Variants in CNTN5 observed in about 807,000 individuals in gnomAD.
CNTN5 encodes the protein contactin-5.
CNTN5 carries 77 observed loss-of-function variants against 129.1 expected under a neutral mutation model. The ratio of observed to expected loss-of-function variants is 0.60; its 90% CI spans 0.50 to 0.72. The LOEUF is 0.72. Ranked by LOEUF, CNTN5 falls within the 30% of genes least tolerant of loss-of-function variation. The pLI, the probability that CNTN5 is intolerant of heterozygous loss-of-function variation, is 0.00. For missense variants in CNTN5, 1,478 were observed against 1,328.8 expected, an observed-to-expected ratio of 1.11 and a Z score of -1.75; for synonymous variants, 509 against 465.6, an observed-to-expected ratio of 1.09 and a Z score of -1.20.
At chr11:99,908,874 T>G (rs1284897522) in intron 6 of CNTN5, among the ~76,000 whole-genome samples, 3 of 152,094 alleles carry the variant, frequency 2.0e-5, no homozygotes, top group Non-Finnish European at 4.4e-5. Context: ...CTTTGGTTTC[T>G]TTTTTATAAT....
At chr11:100,142,474 A>ATTT (rs1946727822) in intron 13 of CNTN5, among the ~76,000 whole-genome samples, 1 of 152,170 alleles carries the variant, frequency 6.6e-6, no homozygotes, top group Non-Finnish European at 1.5e-5. Flanking sequence ...AAAACCCAAA[A>ATTT]TTTTTGAGCT....
At chr11:100,041,313 T>C (rs1227452529) in intron 9 of CNTN5, among the ~76,000 whole-genome samples, 1 of 152,178 alleles carries the variant, frequency 6.6e-6, no homozygotes, top group Admixed American at 6.5e-5. Context: ...CCATACTTCC[T>C]CTAAATCATG....
At chr11:99,324,459 C>G (rs986808137) in intron 1 of CNTN5, among the ~76,000 whole-genome samples, 1 of 152,060 alleles carries the variant, frequency 6.6e-6, no homozygotes, top group African/African-American at 2.4e-5. Flanking sequence ...ATGGCAAGTT[C>G]ATGAAGATAG....
intron 21 of CNTN5, among the ~76,000 whole-genome samples, chr11:100,319,109 C>T (rs77726209): frequency 0.013 from 1,932 of 151,334 alleles, 20 homozygotes; most frequent in Non-Finnish European, 0.018. Flanking sequence ...CTTATTCTTA[C>T]CCCCAAAAAA....
intron 8 of CNTN5, among the ~76,000 whole-genome samples, chr11:99,991,391 C>T (rs1442990735): frequency 1.3e-5 from 2 of 152,030 alleles, no homozygotes; most frequent in East Asian, 1.9e-4. Context: ...GGCCTGAACC[C>T]GGGAGGCAGA....
intron 2 of CNTN5, among the ~76,000 whole-genome samples, chr11:99,526,959 C>G (rs1947510497): frequency 7.1e-6 from 1 of 141,704 alleles, no homozygotes; most frequent in South Asian, 2.3e-4. Flanking sequence ...ATTGAACAAA[C>G]AGGTTGTGCA....
intron 13 of CNTN5, among the ~76,000 whole-genome samples, chr11:100,132,375 A>G (rs1449703864): frequency 6.6e-6 from 1 of 152,146 alleles, no homozygotes; most frequent in African/African-American, 2.4e-5. Context: ...ACATACTAAA[A>G]GCACGACATA....
intron 2 of CNTN5, among the ~76,000 whole-genome samples, chr11:99,362,762 C>T (rs959597803): frequency 7.2e-5 from 11 of 151,762 alleles, no homozygotes; most frequent in Admixed American, 4.6e-4. Flanking sequence ...TTTTTCAAAA[C>T]CATTTATTGA....
rs148876155 is a variant in CNTN5, at chr11:99,694,221, A to T, written c.56-125323A>T. ...AGACTTAGAGTTCGTGCTATACTTC[A>T]GGGCTGTGCAAACTTCAGACAGTGA... On this transcript the variant is annotated intron_variant, in intron 3 of 24. Coordinates refer to ENST00000524871, the MANE Select transcript of CNTN5 (RefSeq NM_014361.4). 9.4e-3 allele frequency among the ~76,000 whole-genome samples: 1,437 copies of T among 152,236 alleles called. 15 individuals carry two copies. Among genetic ancestry groups the T allele is most frequent in the South Asian group, 0.029 (140 of 4,822 alleles).
At chr11:99,174,147 T>C (rs1013660681) in intron 1 of CNTN5, among the ~76,000 whole-genome samples, 3 of 152,026 alleles carry the variant, frequency 2.0e-5, no homozygotes, top group Non-Finnish European at 4.4e-5. Context: ...TGCAGGTGCC[T>C]GCCACCACGC....
chr11:99,152,436 C>G (rs1388052689), intron 1 of CNTN5, among the ~76,000 whole-genome samples: 4 of 152,096 alleles, frequency 2.6e-5, no homozygotes, highest in African/African-American at 9.7e-5. Flanking sequence ...TGATTTCAAG[C>G]CTGTTTTGTC....
chr11:99,512,753 G>A (rs1422485718), intron 2 of CNTN5, among the ~76,000 whole-genome samples: 1 of 152,050 alleles, frequency 6.6e-6, no homozygotes, highest in African/African-American at 2.4e-5. Context: ...CATATAAGAG[G>A]GTGAACATAA....
chr11:99,748,568 G>A (rs1944133396), intron 3 of CNTN5, among the ~76,000 whole-genome samples: 1 of 152,092 alleles, frequency 6.6e-6, no homozygotes, highest in South Asian at 2.1e-4. Context: ...AGAGTCCAAA[G>A]GCCTGAGAAC....
At position 99,290,616 on chromosome 11, in the gene CNTN5, T is replaced by C. The variant is rs113885005; in HGVS notation, c.-209-34730T>C. On this transcript the variant is annotated intron_variant, in intron 1 of 24. Coordinates refer to ENST00000524871, the MANE Select transcript of CNTN5 (RefSeq NM_014361.4). ...GTAGGGAAGAAGTGCATTACTTTTC[T>C]AGCAACTGGCAATTTATTTTATGTA... Among the ~76,000 whole-genome samples, 11 of 152,018 alleles carry C rather than the reference T, an allele frequency of 7.2e-5. 1 individual carries two copies. The highest frequency in any genetic ancestry group is 2.2e-4 in the African/African-American group (9 of 41,562).
chr11:99,102,053 T>C (rs1004405964), intron 1 of CNTN5, among the ~76,000 whole-genome samples: 4 of 152,184 alleles, frequency 2.6e-5, no homozygotes, highest in African/African-American at 9.7e-5. Context: ...TTTGTGTGCC[T>C]ACAGTCTCAA....
At chr11:99,672,493 T>G (rs566550853) in intron 3 of CNTN5, among the ~76,000 whole-genome samples, 1 of 151,938 alleles carries the variant, frequency 6.6e-6, no homozygotes, top group East Asian at 1.9e-4. Flanking sequence ...CAAGGCTTAC[T>G]TCTCTGATAT....
At position 99,413,855 on chromosome 11, in the gene CNTN5, A is replaced by G. The variant is rs1591645498; in HGVS notation, c.-71+88371A>G. On this transcript the variant is annotated intron_variant, in intron 2 of 24. Transcript: ENST00000524871. Reference sequence around the variant, plus strand: ...AGTGAAAAAAATCCTTTTATTTATAATCTCAACTATTCTGCCAAAACCAGT... The same window carrying G: ...AGTGAAAAAAATCCTTTTATTTATAGTCTCAACTATTCTGCCAAAACCAGT... Among the ~76,000 whole-genome samples, 4 of 152,292 alleles carry G rather than the reference A, an allele frequency of 2.6e-5. No homozygotes were observed. The South Asian group carries it at 8.3e-4, about 32-fold the overall frequency.
At chr11:99,107,583 G>C (rs777080751) in intron 1 of CNTN5, among the ~76,000 whole-genome samples, 1 of 151,856 alleles carries the variant, frequency 6.6e-6, no homozygotes, top group Non-Finnish European at 1.5e-5. Flanking sequence ...ATTAATATTT[G>C]CAATGAGCTT....
intron 3 of CNTN5, among the ~76,000 whole-genome samples, chr11:99,679,975 G>A (rs1002827380): frequency 6.6e-6 from 1 of 152,146 alleles, no homozygotes; most frequent in Non-Finnish European, 1.5e-5. Context: ...AACCAGCTAC[G>A]ACATTCCCTT....
Sources: allele counts gnomAD v4.1 joint callset (sites outside exome capture counted in the v4.1 genomes callset), GRCh38; gene constraint gnomAD v4.1.1; transcripts MANE v1.5; gene names NCBI Gene and HGNC (gene_info 2026-07-23, HGNC 2026-07-21).